The following NRXN1 variants were observed in gnomAD, a reference collection of about 807,000 sequenced individuals.
NRXN1 encodes neurexin-1.
NRXN1 carries 39 observed loss-of-function variants against 150.9 expected under a neutral mutation model. The ratio of observed to expected loss-of-function variants is 0.26; its 90% CI spans 0.20 to 0.34. The LOEUF (loss-of-function observed/expected upper bound fraction) is 0.34. Among genes scored for constraint, NRXN1 ranks in the 10% least tolerant of loss-of-function variants. The pLI is 1.00. For synonymous variants in NRXN1, 924 were observed against 757.0 expected (o/e 1.22, Z -3.62); for missense variants, 1,815 against 1,949.9 (o/e 0.93, Z 1.30).
chr2:50,935,874 C>T (rs1008273405), intron 2 of NRXN1, among the ~76,000 whole-genome samples: 1 of 151,900 alleles, frequency 6.6e-6, no homozygotes, highest in African/African-American at 2.4e-5. Flanking sequence ...ATAGACTTTG[C>T]CAAGTCTATT....
intron 5 of NRXN1, among the ~76,000 whole-genome samples, chr2:50,816,869 A>T (rs1669010254): frequency 6.6e-6 from 1 of 152,128 alleles, no homozygotes; most frequent in Non-Finnish European, 1.5e-5. Context: ...TAAAACATAG[A>T]CTAACCAGGA....
intron 5 of NRXN1, among the ~76,000 whole-genome samples, chr2:50,826,369 T>G (rs1488332026): frequency 6.6e-6 from 1 of 152,070 alleles, no homozygotes; most frequent in African/African-American, 2.4e-5. Flanking sequence ...GTAAAGCCAA[T>G]GAGCCAGTGA....
chr2:50,890,614 A>G (rs987017741), intron 5 of NRXN1, among the ~76,000 whole-genome samples: 1 of 151,904 alleles, frequency 6.6e-6, no homozygotes, highest in Non-Finnish European at 1.5e-5. Flanking sequence ...TATTTGTCAG[A>G]CTACGTTAAG....
intron 5 of NRXN1, among the ~76,000 whole-genome samples, chr2:50,838,800 A>G (rs902909185): frequency 1.3e-5 from 2 of 152,162 alleles, no homozygotes; most frequent in Admixed American, 1.3e-4. Flanking sequence ...CTGCCCTGTC[A>G]GTACCATGAT....
intron 21 of NRXN1, among the ~76,000 whole-genome samples, chr2:50,019,967 A>AAAAAG (rs1381822270): frequency 8.3e-6 from 1 of 119,992 alleles, no homozygotes; most frequent in Non-Finnish European, 1.8e-5. Flanking sequence ...AAAAAAAAAA[A>AAAAAG]AAAAAAGAGA....
intron 17 of NRXN1, among the ~76,000 whole-genome samples, chr2:50,441,027 T>C (rs925699687): frequency 2.6e-5 from 4 of 152,216 alleles, no homozygotes; most frequent in African/African-American, 4.8e-5. Flanking sequence ...ACACAGATTT[T>C]AAGCAATTGA....
At chr2:50,937,164 T>C (rs900820408) in intron 2 of NRXN1, among the ~76,000 whole-genome samples, 1 of 152,194 alleles carries the variant, frequency 6.6e-6, no homozygotes, top group Non-Finnish European at 1.5e-5. Flanking sequence ...TATTCAATAA[T>C]GCCAGATTAT....
intron 17 of NRXN1, among the ~76,000 whole-genome samples, chr2:50,410,552 AG>A (rs2083075624): frequency 1.3e-5 from 2 of 152,348 alleles, no homozygotes; most frequent in Non-Finnish European, 2.9e-5. Context: ...CCCAAAGACC[AG>A]CCCCATGGAT....
intron 2 of NRXN1, among the ~76,000 whole-genome samples, chr2:51,024,654 C>G (rs1670141876): frequency 6.6e-6 from 1 of 152,106 alleles, no homozygotes; most frequent in Admixed American, 6.5e-5. Context: ...TCAAGGCACT[C>G]TTGGCTGGAG....
intron 5 of NRXN1, chr2:50,632,473 T>C (rs888525387): frequency 6.6e-6 from 1 of 151,970 alleles, no homozygotes; most frequent in Non-Finnish European, 1.5e-5. Context: ...CGAACTGTGG[T>C]TTGAAGGACA....
intron 5 of NRXN1, among the ~76,000 whole-genome samples, chr2:50,659,012 C>T (rs928021762): frequency 1.3e-5 from 2 of 151,964 alleles, no homozygotes; most frequent in African/African-American, 4.8e-5. Flanking sequence ...GCAAGGGTGA[C>T]GGCAGGAAGC....
At position 50,498,172 on chromosome 2, in the gene NRXN1, G is replaced by GA. The variant is rs199586179; in HGVS notation, c.2498-459dup. Among the ~76,000 whole-genome samples, 664 of 150,334 alleles carry GA rather than the reference G, an allele frequency of 4.4e-3. 5 individuals carry two copies. The highest frequency in any genetic ancestry group is 6.5e-3 in the Non-Finnish European group (441 of 67,424). On this transcript the variant is annotated intron_variant, in intron 13 of 22. Transcript: ENST00000401669. The stretch of plus-strand genomic sequence containing the variant: ...TTATTCCTTATAAATGTTCTTCCAG[G>GA]AAAAAAAAATGTGACTATATATTTT...
At chr2:50,811,245 A>C (rs1668172549) in intron 5 of NRXN1, among the ~76,000 whole-genome samples, 1 of 152,176 alleles carries the variant, frequency 6.6e-6, no homozygotes, top group East Asian at 1.9e-4. Context: ...TAAAGTTTAC[A>C]ATTTCTAAGA....
chr2:51,025,871 A>G (rs1041284167), intron 2 of NRXN1, among the ~76,000 whole-genome samples: 1 of 152,224 alleles, frequency 6.6e-6, no homozygotes, highest in Admixed American at 6.5e-5. Flanking sequence ...TGGAATACAC[A>G]GTTTTCTATA....
chr2:50,990,483 T>A, intron 2 of NRXN1, among the ~76,000 whole-genome samples: 1 of 152,036 alleles, frequency 6.6e-6, no homozygotes, highest in East Asian at 1.9e-4. Context: ...CTCTTTTGAA[T>A]TTCTTTGCCA....
intron 15 of NRXN1, among the ~76,000 whole-genome samples, chr2:50,472,727 G>C (rs1477766025): frequency 6.6e-6 from 1 of 151,614 alleles, no homozygotes; most frequent in Non-Finnish European, 1.5e-5. Flanking sequence ...GAAGGAATGT[G>C]GGCTAGCTAT....
At chr2:50,435,570 A>T (rs550497594) in intron 17 of NRXN1, among the ~76,000 whole-genome samples, 2 of 152,152 alleles carry the variant, frequency 1.3e-5, no homozygotes, top group South Asian at 4.1e-4. Context: ...TTTATTCCAC[A>T]TCTTTGCTAT....
intron 18 of NRXN1, among the ~76,000 whole-genome samples, chr2:50,157,135 T>C (rs2059069062): frequency 1.3e-5 from 2 of 151,968 alleles, no homozygotes; most frequent in Admixed American, 1.3e-4. Flanking sequence ...TAAAATGCCT[T>C]CTGTTTTGCA....
chr2:50,532,248 G>T (rs1255811185), intron 10 of NRXN1, among the ~76,000 whole-genome samples: 20 of 152,044 alleles, frequency 1.3e-4, no homozygotes. Context: ...GGTACTGCCA[G>T]AAGGTTTCTC....
Sources: allele counts gnomAD v4.1 joint callset (sites outside exome capture counted in the v4.1 genomes callset), GRCh38; gene constraint gnomAD v4.1.1; transcripts MANE v1.5; gene names NCBI Gene and HGNC (gene_info 2026-07-23, HGNC 2026-07-21).